ZRANB2: variants seen among roughly 807,000 people sequenced by gnomAD.
ZRANB2 encodes the protein zinc finger Ran-binding domain-containing protein 2.
ZRANB2 carries 19 observed loss-of-function variants against 53.4 expected under a neutral mutation model. The ratio of observed to expected loss-of-function variants is 0.36; its 90% CI spans 0.25 to 0.52. The LOEUF (loss-of-function observed/expected upper bound fraction) is 0.52. Ranked by LOEUF, ZRANB2 falls within the 20% of genes least tolerant of loss-of-function variation. ZRANB2 has a pLI of 0.93. For synonymous variants in ZRANB2, 145 were observed against 134.8 expected, an observed-to-expected ratio of 1.08 and a Z score of -0.52; for missense variants, 309 against 401.1, an observed-to-expected ratio of 0.77 and a Z score of 1.96.
chr1:71,071,746 T>C (rs1661598177), intron 6 of ZRANB2, among the ~76,000 whole-genome samples: 1 of 152,204 alleles, frequency 6.6e-6, no homozygotes, highest in Non-Finnish European at 1.5e-5. Context: ...TGCTGGCTCC[T>C]TCCTATCATT....
In ZRANB2 at chr1:71,076,770, T is replaced by C. The variant is rs200785717; in HGVS notation, c.301+25A>G. 1.7e-5 allele frequency: 26 copies of C among 1,542,784 alleles called. No individual in the cohort carries two copies. The African/African-American group carries it at 3.4e-4, about 20-fold the overall frequency. The stretch of plus-strand genomic sequence containing the variant: ...ATTTAGTGCTTTAAAAAAAATCATT[T>C]AGTTACAATGTGGTTTTATCATACC... On this transcript the variant is annotated intron_variant, in intron 4 of 9. Coordinates refer to ENST00000370920, the MANE Select transcript of ZRANB2 (RefSeq NM_203350.3).
chr1:71,071,850 C>T (rs1157393660), intron 6 of ZRANB2, among the ~76,000 whole-genome samples: 1 of 152,080 alleles, frequency 6.6e-6, no homozygotes, highest in Non-Finnish European at 1.5e-5. Flanking sequence ...GTCTTCATAA[C>T]GTTACTGCTA....
rs1661364667 is a variant in ZRANB2, at chr1:71,064,028, T to G, written c.*1046A>C. Reference sequence around the variant, plus strand: ...GTGACCAGATTTTAATTTTGAGAAATAAACTCCAAAAGCATTTTAAGCCAT... The same window carrying G: ...GTGACCAGATTTTAATTTTGAGAAAGAAACTCCAAAAGCATTTTAAGCCAT... On this transcript the variant is annotated 3_prime_UTR_variant, in exon 10 of 10. Coordinates refer to ENST00000370920, the MANE Select transcript of ZRANB2 (RefSeq NM_203350.3). 6.6e-6 allele frequency: 1 copy of G among 152,372 alleles called. No homozygotes were observed. Among genetic ancestry groups the G allele is most frequent in the Admixed American group, 6.6e-5 (1 of 15,244 alleles). The allele number at this position is 152,372 out of a possible 1,614,324, so 9.4% of individuals were successfully genotyped here.
Position 71,065,087 on chromosome 1 carries a change from G to C in ZRANB2, c.980C>G (p.Ser327Ter), listed in dbSNP as rs761085397. 1 of 1,609,602 alleles carries C rather than the reference G, an allele frequency of 6.2e-7. No homozygotes were observed. The highest frequency in any genetic ancestry group is 1.7e-5 in the Admixed American group (1 of 59,680). Residue 327 changes from serine (S) to a stop codon, truncating the protein, a stop_gained, in exon 10 of 10, where the codon TCA becomes TGA. Transcript: ENST00000370920. LOFTEE classifies it high-confidence loss of function. ...GSSHSGSRSS[S>*]KKK ...AATTTTAATACATTATTTCTTTTTT[G>C]AACTTGAACGGGAACCAGAATGGGA... is the stretch of plus-strand genomic sequence containing the variant.
Position 71,070,979 on chromosome 1 carries a change from G to A in ZRANB2, c.531C>T (p.Asp177=), listed in dbSNP as rs767389252. Residue 177 remains aspartate, a synonymous_variant, in exon 7 of 10, where the codon GAC becomes GAT. Coordinates refer to ENST00000370920, the MANE Select transcript of ZRANB2 (RefSeq NM_203350.3). ...YKLDEDEDED[D]ADLSKYNLDA... is the part of the protein sequence containing the mutation. ...CAAGATTATATTTTGAGAGATCAGC[G>A]TCATCTTCATCCTCATCCTAACAAA... 2.5e-5 allele frequency: 39 copies of A among 1,586,280 alleles called. No individual in the cohort carries two copies. The highest frequency in any genetic ancestry group is 1.8e-4 in the Middle Eastern group (1 of 5,650).
intron 1 of ZRANB2, 61 bp downstream of exon 1, chr1:71,080,879 G>A (rs1174916430): frequency 1.9e-6 from 3 of 1,579,462 alleles, no homozygotes; most frequent in African/African-American, 2.7e-5. Context: ...AATGCCGGAC[G>A]GACCTCGGAA....
At chr1:71,078,332 A>G (rs1661756479) in intron 3 of ZRANB2, 125 bp downstream of exon 3, 1 of 748,754 alleles carries the variant, frequency 1.3e-6, no homozygotes, top group Admixed American at 2.7e-5. Flanking sequence ...ACTGAATAAC[A>G]ATACCTTGGA....
chr1:71,069,299 C>A lies in ZRANB2; in HGVS notation c.747G>T (p.Ser249=). 1.2e-6 allele frequency: 2 copies of A among 1,611,922 alleles called. No individual in the cohort carries two copies. Among genetic ancestry groups the A allele is most frequent in the Non-Finnish European group, 1.7e-6 (2 of 1,178,838 alleles). Residue 249 remains serine (S), a synonymous_variant, in exon 8 of 10, where the codon TCG becomes TCT. Coordinates refer to ENST00000370920, the MANE Select transcript of ZRANB2 (RefSeq NM_203350.3). Reference sequence around the variant, plus strand: ...ACCTTGATTTCGACCCACGAGATCTCGAACGTTCTCTGGAACTGGAACGAG... The same window carrying A: ...ACCTTGATTTCGACCCACGAGATCTAGAACGTTCTCTGGAACTGGAACGAG... ...SRSRSSSRER[S]RSRGSKSRSS...
intron 1 of ZRANB2, among the ~76,000 whole-genome samples, chr1:71,079,697 T>C (rs1661792620): frequency 1.3e-5 from 2 of 152,216 alleles, no homozygotes; most frequent in African/African-American, 4.8e-5. Context: ...TGAACTCTCA[T>C]TGAGAGTCCT....
intron 4 of ZRANB2, among the ~76,000 whole-genome samples, chr1:71,073,342 G>C (rs1328789501): frequency 6.6e-6 from 1 of 151,914 alleles, no homozygotes; most frequent in African/African-American, 2.4e-5. Context: ...GGTATGTGTT[G>C]ATCAAGAGTA....
chr1:71,071,403 C>G (rs1315784822), intron 6 of ZRANB2, among the ~76,000 whole-genome samples: 1 of 152,168 alleles, frequency 6.6e-6, no homozygotes, highest in Non-Finnish European at 1.5e-5. Context: ...AATATACTGA[C>G]AGTCATCACT....
In ZRANB2 at chr1:71,071,016, A is replaced by C; in HGVS notation, c.514-20T>G. 1 of 1,528,248 alleles carries C rather than the reference A, an allele frequency of 6.5e-7. No homozygotes were observed. The highest frequency in any genetic ancestry group is 8.8e-7 in the Non-Finnish European group (1 of 1,140,416). The allele number at this position is 1,528,248 out of a possible 1,614,324, so 94.7% of individuals were successfully genotyped here. Reference sequence around the variant, plus strand: ...CTCATCCTAACAAAAATTCAATTATAATTAGACATTTAGATATTAGTGTTA... The same window carrying C: ...CTCATCCTAACAAAAATTCAATTATCATTAGACATTTAGATATTAGTGTTA... On this transcript the variant is annotated intron_variant, in intron 6 of 9. Coordinates refer to ENST00000370920, the MANE Select transcript of ZRANB2 (RefSeq NM_203350.3).
chr1:71,067,561 A>G (rs1346408391), intron 8 of ZRANB2: 1 of 379,188 alleles, frequency 2.6e-6, no homozygotes, highest in African/African-American at 2.3e-5. Context: ...TGCTTCAGGT[A>G]GAAGTAAATG....
At chr1:71,073,866 C>T (rs1661647497) in intron 4 of ZRANB2, among the ~76,000 whole-genome samples, 1 of 151,996 alleles carries the variant, frequency 6.6e-6, no homozygotes, top group African/African-American at 2.4e-5. Context: ...ATAAATCTAG[C>T]TCATTAACTC....
At chr1:71,073,973 T>C (rs1032879379) in intron 4 of ZRANB2, among the ~76,000 whole-genome samples, 9 of 152,254 alleles carry the variant, frequency 5.9e-5, no homozygotes, top group Admixed American at 1.3e-4. Context: ...TGGAATGATA[T>C]GTATGTTTCC....
chr1:71,080,583 T>TG, intron 1 of ZRANB2, among the ~76,000 whole-genome samples: 1 of 122,018 alleles, frequency 8.2e-6, no homozygotes, highest in Non-Finnish European at 1.6e-5. Context: ...AAAAGTCACG[T>TG]GGGGGAGATC....
chr1:71,068,540 CGACTA>C (rs146550431), intron 8 of ZRANB2, among the ~76,000 whole-genome samples: 1,727 of 152,118 alleles, frequency 0.011, 36 homozygotes, highest in African/African-American at 0.039. Flanking sequence ...CTCAACTAAC[CGACTA>C]TACTTCCTGA....
chr1:71,080,836 C>T, intron 1 of ZRANB2, 104 bp downstream of exon 1: 2 of 1,373,806 alleles, frequency 1.5e-6, no homozygotes, highest in Non-Finnish European at 2.1e-6. Context: ...CGCCTCAACC[C>T]GTCTTAAGGC....
chr1:71,079,471 T>A (rs964633141), intron 1 of ZRANB2, among the ~76,000 whole-genome samples: 4 of 152,212 alleles, frequency 2.6e-5, no homozygotes, highest in African/African-American at 7.2e-5. Context: ...TTTAAAAAGC[T>A]GATTTTTAAG....
Sources: gnomAD v4.1 joint callset for allele counts (sites outside exome capture counted in the v4.1 genomes callset) on GRCh38, gnomAD v4.1.1 for gene constraint, MANE v1.5 for transcripts, NCBI Gene and HGNC (gene_info 2026-07-23, HGNC 2026-07-21) for gene names.